Variants in TLK1 observed in about 807,000 individuals in gnomAD.
TLK1 encodes tousled like kinase 1.
Under a neutral mutation model 105.3 loss-of-function variants are expected in TLK1, and 24 were observed. The observed-to-expected ratio is 0.23, with a 90% confidence interval of 0.17 to 0.32. TLK1 has a LOEUF of 0.32. Among genes scored for constraint, TLK1 ranks in the 10% least tolerant of loss-of-function variants. The probability of loss-of-function intolerance (pLI) is 1.00; values close to 1 mark genes in which losing one functional copy is unlikely to be tolerated. For missense variants in TLK1, 558 were observed against 910.5 expected, an observed-to-expected ratio of 0.61 and a Z score of 4.98; for synonymous variants, 321 against 310.4, an observed-to-expected ratio of 1.03 and a Z score of -0.36.
chr2:171,099,599 A>C (rs1476972763), intron 2 of TLK1, among the ~76,000 whole-genome samples: 1 of 152,240 alleles, frequency 6.6e-6, no homozygotes, highest in Non-Finnish European at 1.5e-5. Flanking sequence ...TGCCAGTTTC[A>C]AAACCTACTA....
At chr2:171,165,874 G>A (rs1420983991), upstream of TLK1, among the ~76,000 whole-genome samples, 1 of 152,106 alleles carries the variant, frequency 6.6e-6, no homozygotes, top group Non-Finnish European at 1.5e-5. Context: ...TTGCACCACT[G>A]CACTCCAGCC....
At chr2:171,108,896 C>G (rs1363818978) in intron 2 of TLK1, among the ~76,000 whole-genome samples, 4 of 151,732 alleles carry the variant, frequency 2.6e-5, no homozygotes, top group Admixed American at 6.6e-5. Context: ...ACTCCCAGCC[C>G]CAAGAAACAC....
At chr2:171,196,052 AG>A (rs1446676575) in intron 1 of TLK1, among the ~76,000 whole-genome samples, 10 of 103,674 alleles carry the variant, frequency 9.6e-5, no homozygotes, top group African/African-American at 1.9e-4. Flanking sequence ...AAAAAAAAAA[AG>A]AAAGAAAGAA....
At chr2:171,082,518 T>C (rs1028735513) in intron 3 of TLK1, among the ~76,000 whole-genome samples, 2 of 152,202 alleles carry the variant, frequency 1.3e-5, no homozygotes, top group African/African-American at 4.8e-5. Flanking sequence ...GAATGGCTAA[T>C]AACTGTCTCC....
chr2:171,053,702 G>A (rs1048223104), intron 8 of TLK1, 59 bp downstream of exon 8: 130 of 1,356,760 alleles, frequency 9.6e-5, no homozygotes, highest in Non-Finnish European at 1.3e-4. Context: ...TTTCTGAACA[G>A]TTTGACTGTT....
chr2:171,216,292 C>T (rs965254732), intron 1 of TLK1, among the ~76,000 whole-genome samples: 3 of 151,910 alleles, frequency 2.0e-5, no homozygotes, highest in Non-Finnish European at 4.4e-5. Context: ...CTGGCTAATA[C>T]GGTGAAACCC....
intron 11 of TLK1, among the ~76,000 whole-genome samples, chr2:171,039,055 T>A (rs368622502): frequency 6.6e-6 from 1 of 152,180 alleles, no homozygotes; most frequent in Admixed American, 6.5e-5. Context: ...CAACCTTTTA[T>A]AACAACCACT....
intron 1 of TLK1, among the ~76,000 whole-genome samples, chr2:171,128,018 T>C (rs542058944): frequency 1.2e-4 from 19 of 152,170 alleles, no homozygotes; most frequent in Admixed American, 3.9e-4. Context: ...AACCCTGTGG[T>C]AGAGAAGACA....
chr2:171,182,935 A>AAAGAAAG (rs58968031), intron 1 of TLK1, among the ~76,000 whole-genome samples: 1 of 128,778 alleles, frequency 7.8e-6, no homozygotes, highest in Non-Finnish European at 1.6e-5. Context: ...AAAAAAAAAA[A>AAAGAAAG]AAAGAAAGAA....
At chr2:171,177,776 T>G (rs553508928) in intron 1 of TLK1, among the ~76,000 whole-genome samples, 1 of 152,258 alleles carries the variant, frequency 6.6e-6, no homozygotes, top group South Asian at 2.1e-4. Flanking sequence ...ATTAATAGCA[T>G]CCATACTTTA....
At chr2:171,119,474 G>A (rs772522469) in intron 1 of TLK1, among the ~76,000 whole-genome samples, 5 of 152,116 alleles carry the variant, frequency 3.3e-5, no homozygotes, top group Non-Finnish European at 5.9e-5. Context: ...TATATGCCAG[G>A]TCTGCCAAGT....
chr2:171,089,678 T>C (rs1163489761), intron 2 of TLK1, among the ~76,000 whole-genome samples: 1 of 152,180 alleles, frequency 6.6e-6, no homozygotes, highest in Non-Finnish European at 1.5e-5. Flanking sequence ...ACTTTCTCTT[T>C]ATTTTTTAAG....
At chr2:171,007,156 T>A (rs1432401911) in intron 14 of TLK1, 93 bp from the exon 15 acceptor site, 5 of 1,007,592 alleles carry the variant, frequency 5.0e-6, no homozygotes, top group Non-Finnish European at 7.3e-6. Context: ...TGCAATAATA[T>A]GGAATTAGGA....
chr2:171,092,859 A>C (rs1313200798), intron 2 of TLK1, among the ~76,000 whole-genome samples: 2 of 151,984 alleles, frequency 1.3e-5, no homozygotes, highest in African/African-American at 4.8e-5. Context: ...ATTTTTTTTT[A>C]CGTGATGTTA....
chr2:171,055,164 C>A lies in TLK1; in HGVS notation c.558G>T (p.Pro186=), dbSNP rs141341163. The A allele has an allele frequency of 1.5e-5, 22 of 1,421,256 alleles. No homozygotes were observed. Among genetic ancestry groups the A allele is most frequent in the Admixed American group, 2.9e-5 (1 of 34,580 alleles). The allele number at this position is 1,421,256 out of a possible 1,614,324, so 88.0% of individuals were successfully genotyped here. The change falls in exon 7 of 21, where the codon CCG becomes CCT. Residue 186 remains proline, a synonymous_variant. Coordinates refer to ENST00000431350, the MANE Select transcript of TLK1 (RefSeq NM_012290.5). ...CTAATGCAGTAGGAGAAGGGCTATT[C>A]GGTCGAACCTAAAGAAATTATTAAA... ...SHSTPSSSVR[P]NSPSPTALAF... is the part of the protein sequence containing the mutation.
Position 170,997,706 on chromosome 2 carries a change from A to G in TLK1, c.2016+6T>C. On this transcript the variant is annotated splice_donor_region_variant and intron_variant, in intron 19 of 20. Transcript: ENST00000431350. ...TAGAGCTGAAGGCTGGTAGAATTCA[A>G]TTTACCTTTCTACCATAAAGACACT... is the stretch of plus-strand genomic sequence containing the variant. 1.3e-6 allele frequency: 2 copies of G among 1,569,832 alleles called. No homozygotes were observed. The highest frequency in any genetic ancestry group is 1.7e-6 in the Non-Finnish European group (2 of 1,151,162).
intron 2 of TLK1, among the ~76,000 whole-genome samples, chr2:171,086,264 A>C (rs1374338477): frequency 2.0e-5 from 3 of 152,228 alleles, no homozygotes; most frequent in Non-Finnish European, 2.9e-5. Flanking sequence ...CCTGGAAAAA[A>C]AGGATTTAAA....
intron 1 of TLK1, among the ~76,000 whole-genome samples, chr2:171,118,614 G>A (rs925880601): frequency 1.4e-4 from 21 of 152,110 alleles, no homozygotes; most frequent in African/African-American, 5.1e-4. Context: ...TTATTATGCA[G>A]ACTAAAGCAC....
At chr2:171,169,717 A>AT (rs1221883858) in intron 1 of TLK1, among the ~76,000 whole-genome samples, 1 of 152,152 alleles carries the variant, frequency 6.6e-6, no homozygotes. Flanking sequence ...AAAACGCTGT[A>AT]TTTTTTCAAA....
Sources: gnomAD v4.1 joint callset for allele counts (sites outside exome capture counted in the v4.1 genomes callset) on GRCh38, gnomAD v4.1.1 for gene constraint, MANE v1.5 for transcripts, NCBI Gene and HGNC (gene_info 2026-07-23, HGNC 2026-07-21) for gene names.